ME3: variants seen among roughly 807,000 people sequenced by gnomAD.
ME3 encodes malic enzyme 3, also known as NADP-dependent malic enzyme, mitochondrial.
ME3 carries 48 observed loss-of-function variants against 68.9 expected under a neutral mutation model. The ratio of observed to expected loss-of-function variants is 0.70; its 90% confidence interval spans 0.55 to 0.89. ME3 has a LOEUF of 0.89. Among genes scored for constraint, ME3 ranks in the 40% least tolerant of loss-of-function variants. The pLI is 0.00. For synonymous variants in ME3, 320 were observed against 318.8 expected, an observed-to-expected ratio of 1.00 and a Z score of -0.04; for missense variants, 675 against 797.4, an observed-to-expected ratio of 0.85 and a Z score of 1.85.
At chr11:86,566,492 A>C (rs1431121366) in intron 2 of ME3, among the ~76,000 whole-genome samples, 1 of 152,128 alleles carries the variant, frequency 6.6e-6, no homozygotes, top group African/African-American at 2.4e-5. Context: ...GGAATTACTA[A>C]CCATAGGGAG....
At chr11:86,635,988 A>G (rs1944308789) in intron 2 of ME3, among the ~76,000 whole-genome samples, 1 of 152,196 alleles carries the variant, frequency 6.6e-6, no homozygotes, top group South Asian at 2.1e-4. Flanking sequence ...TGTTTAACCT[A>G]GTCCCCGTAT....
At chr11:86,493,939 T>C (rs1265581733) in intron 6 of ME3, among the ~76,000 whole-genome samples, 1 of 152,090 alleles carries the variant, frequency 6.6e-6, no homozygotes, top group East Asian at 1.9e-4. Flanking sequence ...TGCACGGACA[T>C]GTGAGATAAA....
chr11:86,576,447 C>T (rs767773188), intron 2 of ME3, among the ~76,000 whole-genome samples: 1 of 152,212 alleles, frequency 6.6e-6, no homozygotes, highest in Non-Finnish European at 1.5e-5. Flanking sequence ...CATTCTGCTT[C>T]TATTCACCCT....
intron 2 of ME3, among the ~76,000 whole-genome samples, chr11:86,561,353 T>G (rs1957225293): frequency 6.6e-6 from 1 of 152,194 alleles, no homozygotes; most frequent in African/African-American, 2.4e-5. Context: ...AGCATGGTAT[T>G]AGAAGGCAAG....
At chr11:86,470,302 C>T (rs974475400) in intron 7 of ME3, among the ~76,000 whole-genome samples, 1 of 152,098 alleles carries the variant, frequency 6.6e-6, no homozygotes, top group South Asian at 2.1e-4. Context: ...TCCCCTCCCC[C>T]CAGAAAAAAA....
chr11:86,559,862 A>T (rs1957119505), intron 2 of ME3, 39 bp from the exon 3 acceptor site: 1 of 1,601,114 alleles, frequency 6.2e-7, no homozygotes, highest in South Asian at 1.1e-5. Flanking sequence ...ACATAAGTGC[A>T]TACTCAGGAG....
At chr11:86,594,058 C>T (rs7119775) in intron 2 of ME3, among the ~76,000 whole-genome samples, 12,436 of 145,828 alleles carry the variant, frequency 0.085, 1,899 homozygotes, top group East Asian at 0.27. Flanking sequence ...TATAAACTGA[C>T]GATACAGTAA....
At chr11:86,456,643 G>A (rs1467108228) in intron 8 of ME3, among the ~76,000 whole-genome samples, 1 of 152,092 alleles carries the variant, frequency 6.6e-6, no homozygotes, top group Non-Finnish European at 1.5e-5. Context: ...GGGGAAGGAC[G>A]GAGCAGGGTG....
intron 2 of ME3, among the ~76,000 whole-genome samples, chr11:86,584,121 A>C (rs535975425): frequency 6.6e-6 from 1 of 152,144 alleles, no homozygotes; most frequent in Non-Finnish European, 1.5e-5. Flanking sequence ...CTCAATGGCA[A>C]CCCCCTCCAA....
chr11:86,625,710 A>G (rs1183745649), intron 2 of ME3, among the ~76,000 whole-genome samples: 6 of 152,224 alleles, frequency 3.9e-5, no homozygotes. Context: ...AGACACACAG[A>G]CATTGAGTCA....
intron 2 of ME3, among the ~76,000 whole-genome samples, chr11:86,594,211 A>G (rs1440645349): frequency 6.8e-6 from 1 of 147,024 alleles, no homozygotes; most frequent in African/African-American, 2.5e-5. Context: ...ACTCCAGTAC[A>G]TAAGTAGCTG....
chr11:86,548,852 G>A (rs1285465816), intron 4 of ME3, among the ~76,000 whole-genome samples: 1 of 152,148 alleles, frequency 6.6e-6, no homozygotes, highest in African/African-American at 2.4e-5. Context: ...TTCTACTAAT[G>A]TACAGTGGGC....
chr11:86,620,393 G>A (rs1943271304), intron 2 of ME3, among the ~76,000 whole-genome samples: 1 of 152,052 alleles, frequency 6.6e-6, no homozygotes, highest in Non-Finnish European at 1.5e-5. Context: ...TTCTCTTATT[G>A]AAAAGACATC....
intron 2 of ME3, among the ~76,000 whole-genome samples, chr11:86,571,172 G>T (rs1166842527): frequency 6.6e-6 from 1 of 152,164 alleles, no homozygotes; most frequent in Non-Finnish European, 1.5e-5. Flanking sequence ...TGAGGTCAGG[G>T]ACTCTGTCTC....
chr11:86,656,499 C>G (rs1377808486), intron 2 of ME3, among the ~76,000 whole-genome samples: 5 of 149,324 alleles, frequency 3.3e-5, no homozygotes, highest in Non-Finnish European at 5.9e-5. Context: ...ATCGCAAGGA[C>G]AAAAAACCAA....
chr11:86,653,123 T>G (rs1945582800), intron 2 of ME3, among the ~76,000 whole-genome samples: 1 of 152,092 alleles, frequency 6.6e-6, no homozygotes, highest in Non-Finnish European at 1.5e-5. Flanking sequence ...CAAAGAGACT[T>G]AGACTCCCAC....
intron 5 of ME3, among the ~76,000 whole-genome samples, chr11:86,505,267 G>A (rs1241339837): frequency 6.6e-6 from 1 of 151,700 alleles, no homozygotes; most frequent in Non-Finnish European, 1.5e-5. Flanking sequence ...GGTGGGGGGG[G>A]AGGAACCTCC....
intron 6 of ME3, among the ~76,000 whole-genome samples, chr11:86,493,402 CTCCA>C (rs1460073795): frequency 6.6e-6 from 1 of 152,204 alleles, no homozygotes; most frequent in African/African-American, 2.4e-5. Flanking sequence ...TAAAGCCAAG[CTCCA>C]TCCCCCGGGA....
intron 4 of ME3, among the ~76,000 whole-genome samples, chr11:86,519,522 G>T (rs779899067): frequency 6.6e-6 from 1 of 152,172 alleles, no homozygotes; most frequent in Non-Finnish European, 1.5e-5. Flanking sequence ...ACCAAGTCCA[G>T]CAATAAAGGG....
Sources: gnomAD v4.1 joint callset for allele counts (sites outside exome capture counted in the v4.1 genomes callset) on GRCh38, gnomAD v4.1.1 for gene constraint, MANE v1.5 for transcripts, NCBI Gene and HGNC (gene_info 2026-07-23, HGNC 2026-07-21) for gene names.